The following KSR2 variants were observed in gnomAD, a reference collection of about 807,000 sequenced individuals.
KSR2 encodes kinase suppressor of ras 2.
In KSR2, 25 loss-of-function variants were observed where a neutral mutation model predicts 107.8. That is an observed-to-expected ratio of 0.23 (90% confidence interval 0.17 to 0.32). The LOEUF is 0.32. Ranked by LOEUF, KSR2 falls within the 10% of genes least tolerant of loss-of-function variation. The probability of loss-of-function intolerance (pLI) is 1.00; values close to 1 mark genes in which losing one functional copy is unlikely to be tolerated. For missense variants in KSR2, 887 were observed against 1,268.9 expected (o/e 0.70, Z 4.57); for synonymous variants, 480 against 507.0 (o/e 0.95, Z 0.71).
At chr12:117,942,595 C>T (rs747866647) in intron 1 of KSR2, among the ~76,000 whole-genome samples, 2 of 150,612 alleles carry the variant, frequency 1.3e-5, no homozygotes, top group South Asian at 2.1e-4. Flanking sequence ...CTCAAGCAAT[C>T]CTCCCACTTC....
intron 5 of KSR2, among the ~76,000 whole-genome samples, chr12:117,615,077 C>A (rs1199541508): frequency 2.0e-5 from 3 of 151,998 alleles, no homozygotes; most frequent in Non-Finnish European, 4.4e-5. Flanking sequence ...CCCTTGGCCC[C>A]TAGGGTGTTC....
chr12:117,854,240 C>T (rs1412114591), intron 3 of KSR2, among the ~76,000 whole-genome samples: 1 of 152,150 alleles, frequency 6.6e-6, no homozygotes, highest in Non-Finnish European at 1.5e-5. Flanking sequence ...TTCCTGAGCA[C>T]AAGAGATCCT....
At chr12:117,608,664 G>A (rs1285932995) in intron 5 of KSR2, among the ~76,000 whole-genome samples, 1 of 152,016 alleles carries the variant, frequency 6.6e-6, no homozygotes, top group African/African-American at 2.4e-5. Flanking sequence ...TAATGAGTAC[G>A]GCAAAATGAT....
At position 117,455,156 on chromosome 12, in the gene KSR2, C is replaced by A. The variant is rs776078388; in HGVS notation, c.*12043G>T. ...ACTCCAGCAAGCACAAAACTCTCCT[C>A]AGACATCTTCCCCCACAGGACACCA... is the stretch of plus-strand genomic sequence containing the variant. On this transcript the variant is annotated 3_prime_UTR_variant, in exon 20 of 20. Transcript: ENST00000339824. 4 of 152,302 alleles carry A rather than the reference C, an allele frequency of 2.6e-5. No individual in the cohort carries two copies. Among genetic ancestry groups the A allele is most frequent in the Non-Finnish European group, 4.4e-5 (3 of 68,132 alleles). The allele number at this position is 152,302 out of a possible 1,614,324, so 9.4% of individuals were successfully genotyped here.
chr12:117,792,117 G>C (rs573194220), intron 3 of KSR2, among the ~76,000 whole-genome samples: 4 of 152,178 alleles, frequency 2.6e-5, no homozygotes, highest in Non-Finnish European at 5.9e-5. Context: ...CAGGTAGATC[G>C]CTTGAGCTCA....
chr12:117,655,850 T>C (rs145839473), intron 5 of KSR2, among the ~76,000 whole-genome samples: 2 of 152,184 alleles, frequency 1.3e-5, no homozygotes, highest in African/African-American at 4.8e-5. Flanking sequence ...AGAGTACGCA[T>C]GGAATACAGG....
intron 10 of KSR2, among the ~76,000 whole-genome samples, chr12:117,532,617 G>GA (rs896166646): frequency 6.6e-6 from 1 of 152,140 alleles, no homozygotes; most frequent in Non-Finnish European, 1.5e-5. Flanking sequence ...CTGTATTTAG[G>GA]AAAAAATTTT....
At chr12:117,659,432 T>C (rs1264471833) in intron 5 of KSR2, among the ~76,000 whole-genome samples, 1 of 152,106 alleles carries the variant, frequency 6.6e-6, no homozygotes. Context: ...CACACACACA[T>C]ACAGCTCACG....
intron 14 of KSR2, among the ~76,000 whole-genome samples, chr12:117,487,801 C>T (rs1202808504): frequency 1.3e-5 from 2 of 152,136 alleles, no homozygotes; most frequent in Non-Finnish European, 2.9e-5. Context: ...ACCTCTTTCC[C>T]TTCAGCAGCT....
intron 5 of KSR2, among the ~76,000 whole-genome samples, chr12:117,616,076 G>A (rs1881868962): frequency 6.6e-6 from 1 of 150,602 alleles, no homozygotes; most frequent in Non-Finnish European, 1.5e-5. Flanking sequence ...AGGATTGCTT[G>A]ATCCTGAGAG....
At chr12:117,528,866 C>G (rs553481538) in intron 12 of KSR2, among the ~76,000 whole-genome samples, 100 of 152,344 alleles carry the variant, frequency 6.6e-4, no homozygotes, top group African/African-American at 2.1e-3. Context: ...CACATTTAAG[C>G]AGATCGCAAG....
intron 1 of KSR2, among the ~76,000 whole-genome samples, chr12:117,960,797 C>A (rs1593407643): frequency 7.2e-6 from 1 of 138,762 alleles, no homozygotes; most frequent in Non-Finnish European, 1.5e-5. Context: ...TTTCTTTTTC[C>A]TTTTTTTTTT....
intron 12 of KSR2, among the ~76,000 whole-genome samples, chr12:117,528,852 C>T (rs956730819): frequency 1.3e-5 from 2 of 152,184 alleles, no homozygotes; most frequent in African/African-American, 2.4e-5. Flanking sequence ...GTCATCACTC[C>T]GCGCACATTT....
intron 5 of KSR2, among the ~76,000 whole-genome samples, chr12:117,641,652 C>T (rs1330837354): frequency 2.0e-5 from 3 of 152,174 alleles, no homozygotes; most frequent in Non-Finnish European, 4.4e-5. Context: ...GCAAGGACCC[C>T]GTTTCCAAAT....
rs1412568715 is a variant in KSR2 at position 117,464,250 on chromosome 12, G to C, written c.*2949C>G. Reference sequence around the variant, plus strand: ...CTCTGCAAAGCCAAGGCTTCCTGGTGAATCTTCACCCTGTGGACTGGTCCC... The same window carrying C: ...CTCTGCAAAGCCAAGGCTTCCTGGTCAATCTTCACCCTGTGGACTGGTCCC... On this transcript the variant is annotated 3_prime_UTR_variant, in exon 20 of 20. Coordinates refer to ENST00000339824, the MANE Select transcript of KSR2 (RefSeq NM_173598.6). The C allele has an allele frequency of 1.3e-5, 2 of 152,214 alleles. No individual in the cohort carries two copies. Among genetic ancestry groups the C allele is most frequent in the African/African-American group, 4.8e-5 (2 of 41,456 alleles). 9.4% of individuals were successfully genotyped at this position (152,214 alleles called of 1,614,324 possible).
chr12:117,653,121 C>T (rs1223322662), intron 5 of KSR2, among the ~76,000 whole-genome samples: 1 of 152,236 alleles, frequency 6.6e-6, no homozygotes, highest in African/African-American at 2.4e-5. Flanking sequence ...GTGATTCTCA[C>T]CACATCCCTG....
At chr12:117,943,294 A>C (rs528419944) in intron 1 of KSR2, among the ~76,000 whole-genome samples, 1 of 152,266 alleles carries the variant, frequency 6.6e-6, no homozygotes, top group African/African-American at 2.4e-5. Flanking sequence ...TGAACAATTC[A>C]TAACCTGGTA....
At chr12:117,766,738 G>A (rs902872160) in intron 3 of KSR2, among the ~76,000 whole-genome samples, 2 of 152,056 alleles carry the variant, frequency 1.3e-5, no homozygotes, top group African/African-American at 4.8e-5. Flanking sequence ...GTGAACAAGA[G>A]TTCCCAGGAA....
intron 17 of KSR2, 62 bp from the exon 18 acceptor site, chr12:117,471,382 C>A: frequency 6.4e-7 from 1 of 1,555,298 alleles, no homozygotes; most frequent in East Asian, 2.3e-5. Context: ...CTTGTACCTC[C>A]ATTATTAGCA....
Sources: gnomAD v4.1 joint callset for allele counts (sites outside exome capture counted in the v4.1 genomes callset) on GRCh38, gnomAD v4.1.1 for gene constraint, MANE v1.5 for transcripts, NCBI Gene and HGNC (gene_info 2026-07-23, HGNC 2026-07-21) for gene names.